Variants in MTMR3 observed in about 807,000 individuals in gnomAD.
MTMR3 encodes myotubularin related protein 3.
Under a neutral mutation model 132.4 loss-of-function variants are expected in MTMR3, and 32 were observed. The observed-to-expected ratio is 0.24, with a 90% CI of 0.18 to 0.32. The LOEUF (loss-of-function observed/expected upper bound fraction) is 0.32. Ranked by LOEUF, MTMR3 falls within the 10% of genes least tolerant of loss-of-function variation. The probability of loss-of-function intolerance (pLI) is 1.00; values close to 1 mark genes in which losing one functional copy is unlikely to be tolerated. For synonymous variants in MTMR3, 556 were observed against 550.3 expected (o/e 1.01, Z -0.14); for missense variants, 1,216 against 1,489.6 (o/e 0.82, Z 3.02).
At chr22:29,933,742 T>TG (rs1307076220) in intron 1 of MTMR3, among the ~76,000 whole-genome samples, 6 of 151,412 alleles carry the variant, frequency 4.0e-5, no homozygotes, top group Admixed American at 3.9e-4. Flanking sequence ...TGTTTTTTTT[T>TG]TTTTTTTTTT....
At chr22:29,944,681 G>A (rs192600401) in intron 1 of MTMR3, among the ~76,000 whole-genome samples, 19 of 152,124 alleles carry the variant, frequency 1.2e-4, no homozygotes, top group African/African-American at 3.4e-4. Context: ...TACTTTGCTC[G>A]GTTATCTTTA....
At chr22:29,980,309 C>T (rs1003057123) in intron 5 of MTMR3, 8 of 152,058 alleles carry the variant, frequency 5.3e-5, no homozygotes, top group African/African-American at 1.2e-4. Flanking sequence ...GCCTGAATCC[C>T]TTCTGGCTTC....
intron 1 of MTMR3, among the ~76,000 whole-genome samples, chr22:29,892,351 A>G (rs1371915383): frequency 1.3e-5 from 2 of 152,076 alleles, no homozygotes; most frequent in Admixed American, 1.3e-4. Context: ...CATATTTTAA[A>G]AAATTATGTT....
rs185574840 is a variant in MTMR3, at chr22:29,970,859, C to G, written c.-84-117C>G. 3.4e-3 allele frequency: 1,567 copies of G among 455,326 alleles called. 5 individuals are homozygous for G. The highest frequency in any genetic ancestry group is 5.4e-3 in the Admixed American group (135 of 24,920). The allele number at this position is 455,326 out of a possible 1,614,324, so 28.2% of individuals were successfully genotyped here. On this transcript the variant is annotated intron_variant, in intron 2 of 19. Coordinates refer to ENST00000401950, the MANE Select transcript of MTMR3 (RefSeq NM_021090.4). ...GGCTGACTCTGATCAGCTTCTTAGG[C>G]CTGTGTATATACAATACCTTTGTGA... is the stretch of plus-strand genomic sequence containing the variant.
intron 19 of MTMR3, chr22:30,025,223 G>A (rs140278573): frequency 1.2e-5 from 2 of 173,732 alleles, no homozygotes; most frequent in East Asian, 1.5e-4. Context: ...TGTTTCTCTC[G>A]TTTGAGGAGC....
intron 1 of MTMR3, among the ~76,000 whole-genome samples, chr22:29,937,713 A>G (rs2065778806): frequency 6.6e-6 from 1 of 152,234 alleles, no homozygotes; most frequent in Non-Finnish European, 1.5e-5. Flanking sequence ...TATTCAGGGC[A>G]ACTTGAATCT....
intron 14 of MTMR3, chr22:30,015,450 CT>C (rs1339897563): frequency 1.3e-5 from 2 of 152,072 alleles, no homozygotes; most frequent in Non-Finnish European, 2.9e-5. Flanking sequence ...TCCATCCCTC[CT>C]TTTGTTTGGG....
At chr22:30,013,243 G>A (rs2067480689) in intron 13 of MTMR3, 113 bp from the exon 14 acceptor site, 2 of 1,096,674 alleles carry the variant, frequency 1.8e-6, no homozygotes, top group South Asian at 3.3e-5. Flanking sequence ...GCAAGGCCGG[G>A]TGGGCTTTCT....
intron 2 of MTMR3, among the ~76,000 whole-genome samples, chr22:29,969,349 A>T (rs1266755400): frequency 6.6e-6 from 1 of 152,118 alleles, no homozygotes; most frequent in African/African-American, 2.4e-5. Flanking sequence ...TCCTATGGGC[A>T]GTATTTTCAA....
At chr22:29,960,630 A>G (rs1159994918) in intron 2 of MTMR3, among the ~76,000 whole-genome samples, 1 of 152,224 alleles carries the variant, frequency 6.6e-6, no homozygotes, top group African/African-American at 2.4e-5. Context: ...AACTATTCTA[A>G]GCATGTTATA....
At chr22:30,013,155 ATC>A (rs776800937) in intron 13 of MTMR3, 199 bp from the exon 14 acceptor site, 54 of 444,436 alleles carry the variant, frequency 1.2e-4, no homozygotes, top group Non-Finnish European at 2.1e-4. Flanking sequence ...CATTTTAGTG[ATC>A]ATGGAATGGA....
intron 2 of MTMR3, among the ~76,000 whole-genome samples, chr22:29,965,422 G>T (rs2066394700): frequency 6.6e-6 from 1 of 152,128 alleles, no homozygotes; most frequent in Non-Finnish European, 1.5e-5. Flanking sequence ...AGTAGGCCAG[G>T]TGTGGTGGCT....
intron 17 of MTMR3, 46 bp downstream of exon 17, chr22:30,020,930 A>C: frequency 1.3e-6 from 2 of 1,512,646 alleles, no homozygotes; most frequent in Non-Finnish European, 1.8e-6. Context: ...AGGAGACGGC[A>C]TGCTGAGGCT....
chr22:29,907,393 T>A (rs1222946112), intron 1 of MTMR3, among the ~76,000 whole-genome samples: 2 of 147,176 alleles, frequency 1.4e-5, no homozygotes, highest in Non-Finnish European at 2.9e-5. Context: ...AGAGCAAGAC[T>A]CTGTCTTAAA....
chr22:29,890,542 T>G (rs1181209314), intron 1 of MTMR3, among the ~76,000 whole-genome samples: 1 of 151,918 alleles, frequency 6.6e-6, no homozygotes, highest in African/African-American at 2.4e-5. Flanking sequence ...AGTGGGATTA[T>G]TAGGTCAAAC....
intron 2 of MTMR3, among the ~76,000 whole-genome samples, chr22:29,959,133 A>G (rs375592159): frequency 6.6e-6 from 1 of 152,210 alleles, no homozygotes. Context: ...TTCCATGTTC[A>G]GTAGGAAGAT....
At chr22:29,918,801 C>T (rs1023539412) in intron 1 of MTMR3, among the ~76,000 whole-genome samples, 5 of 152,116 alleles carry the variant, frequency 3.3e-5, no homozygotes, top group African/African-American at 4.8e-5. Context: ...TAATGAAATA[C>T]GTTACTACTG....
chr22:29,895,989 G>T (rs1296934461), intron 1 of MTMR3, among the ~76,000 whole-genome samples: 5 of 152,174 alleles, frequency 3.3e-5, no homozygotes, highest in African/African-American at 1.2e-4. Flanking sequence ...TTTTCGGTCA[G>T]CTCATGAGGC....
Position 29,994,055 on chromosome 22 carries a change from T to G in MTMR3, c.460+2385T>G, listed in dbSNP as rs1483202038. On this transcript the variant is annotated intron_variant, in intron 7 of 19. Transcript: ENST00000401950. ...TTCATGCTCTTCCTGCCCAGGCTGA[T>G]CCAGGTATCCTGAAGATCAAATCTG... 7.4e-6 allele frequency: 7 copies of G among 951,156 alleles called. No homozygotes were observed. The African/African-American group carries it at 8.8e-5, about 12-fold the overall frequency. The allele number at this position is 951,156 out of a possible 1,614,324, so 58.9% of individuals were successfully genotyped here.
Sources: gnomAD v4.1 joint callset for allele counts (sites outside exome capture counted in the v4.1 genomes callset) on GRCh38, gnomAD v4.1.1 for gene constraint, MANE v1.5 for transcripts, NCBI Gene and HGNC (gene_info 2026-07-23, HGNC 2026-07-21) for gene names.